Variants in FTO observed in about 807,000 individuals in gnomAD.
FTO encodes FTO alpha-ketoglutarate dependent dioxygenase.
Under a neutral mutation model 63.9 loss-of-function variants are expected in FTO, and 47 were observed. The ratio of observed to expected loss-of-function variants is 0.74; its 90% CI spans 0.58 to 0.94. FTO has a LOEUF of 0.94. Ranked by LOEUF, FTO falls within the 40% of genes least tolerant of loss-of-function variation. The pLI is 0.00. For synonymous variants in FTO, 207 were observed against 224.4 expected (o/e 0.92, Z 0.69); for missense variants, 562 against 618.1 (o/e 0.91, Z 0.96).
At chr16:53,747,309 A>G (rs1053134928) in intron 1 of FTO, among the ~76,000 whole-genome samples, 4 of 152,112 alleles carry the variant, frequency 2.6e-5, no homozygotes, top group African/African-American at 4.8e-5. Context: ...ATTCCCACCA[A>G]CAGATTGCAG....
chr16:54,006,960 G>A (rs2084221078), intron 8 of FTO, among the ~76,000 whole-genome samples: 1 of 152,210 alleles, frequency 6.6e-6, no homozygotes, highest in African/African-American at 2.4e-5. Flanking sequence ...TTTTGGGTGA[G>A]CCAGACTTTG....
rs116718130 is a variant in FTO, at chr16:54,119,791, C to T, written c.*7876C>T. 10 of 152,212 alleles carry T rather than the reference C, an allele frequency of 6.6e-5. No homozygotes were observed. Among genetic ancestry groups the T allele is most frequent in the African/African-American group, 1.7e-4 (7 of 41,518 alleles). 9.4% of individuals were successfully genotyped at this position (152,212 alleles called of 1,614,324 possible). On this transcript the variant is annotated 3_prime_UTR_variant, in exon 9 of 9. Coordinates refer to ENST00000471389, the MANE Select transcript of FTO (RefSeq NM_001080432.3). ...GCTGCAGTGATTGTTTTTAATATAC[C>T]GTACATTGATTTCTCCCTGTGAGCA...
chr16:53,863,278 T>G (rs1850888650), intron 4 of FTO, among the ~76,000 whole-genome samples: 1 of 152,188 alleles, frequency 6.6e-6, no homozygotes, highest in Non-Finnish European at 1.5e-5. Flanking sequence ...CTGTAGTAAT[T>G]TTGCATAGTT....
At chr16:53,815,141 G>A (rs761114659) in intron 2 of FTO, among the ~76,000 whole-genome samples, 1 of 152,044 alleles carries the variant, frequency 6.6e-6, no homozygotes, top group Non-Finnish European at 1.5e-5. Context: ...TAGTCTGTAA[G>A]TTCTGTAAGA....
intron 8 of FTO, among the ~76,000 whole-genome samples, chr16:54,074,917 AGTGTGTGTGTGTGT>A (rs3040381): frequency 1.5e-5 from 2 of 134,172 alleles, no homozygotes; most frequent in Non-Finnish European, 3.1e-5. Flanking sequence ...AGAGAGAGAG[AGTGTGTGTGTGTGT>A]GTGTGTGTGT....
At chr16:53,905,948 C>T (rs2081527739) in intron 7 of FTO, among the ~76,000 whole-genome samples, 1 of 152,174 alleles carries the variant, frequency 6.6e-6, no homozygotes, top group Admixed American at 6.5e-5. Context: ...ATTTGAAAAA[C>T]TCCCTTATTT....
At chr16:53,751,823 C>CA (rs1265687036) in intron 1 of FTO, among the ~76,000 whole-genome samples, 2 of 152,242 alleles carry the variant, frequency 1.3e-5, no homozygotes, top group Middle Eastern at 3.4e-3. Flanking sequence ...AAGATACTAA[C>CA]AAAAATAATG....
At chr16:54,019,820 A>C (rs528111197) in intron 8 of FTO, among the ~76,000 whole-genome samples, 8 of 152,180 alleles carry the variant, frequency 5.3e-5, no homozygotes, top group African/African-American at 1.9e-4. Context: ...GGCTCTGTGC[A>C]TCTCTTTCCA....
chr16:54,059,445 C>T lies in FTO; in HGVS notation c.1365-52317C>T, dbSNP rs182828599. Among the ~76,000 whole-genome samples the T allele has an allele frequency of 2.3e-3, 353 of 152,214 alleles. 9 individuals are homozygous for T. The highest frequency in any genetic ancestry group is 0.022 in the Admixed American group (337 of 15,294). On this transcript the variant is annotated intron_variant, in intron 8 of 8. Transcript: ENST00000471389. Reference sequence around the variant, plus strand: ...CATATATCATCCCAGCTTTAGAACTCGTGAGGGGGTAATCTGCTATGCCTT... The same window carrying T: ...CATATATCATCCCAGCTTTAGAACTTGTGAGGGGGTAATCTGCTATGCCTT...
intron 8 of FTO, among the ~76,000 whole-genome samples, chr16:54,084,095 C>T (rs1406620309): frequency 6.6e-6 from 1 of 152,104 alleles, no homozygotes; most frequent in East Asian, 1.9e-4. Flanking sequence ...GCAAATATTC[C>T]CAAATCTGAA....
chr16:53,824,247 T>G (rs1406912755), intron 2 of FTO, among the ~76,000 whole-genome samples: 1 of 152,224 alleles, frequency 6.6e-6, no homozygotes, highest in African/African-American at 2.4e-5. Flanking sequence ...TGCCTCCTCG[T>G]AGCATGCCAC....
At chr16:54,084,945 C>G (rs1405818195) in intron 8 of FTO, among the ~76,000 whole-genome samples, 1 of 152,192 alleles carries the variant, frequency 6.6e-6, no homozygotes, top group Non-Finnish European at 1.5e-5. Flanking sequence ...GGCAGAAAAT[C>G]CCAGGCCTTG....
In FTO at chr16:54,060,840, A is replaced by T. The variant is rs1197975616; in HGVS notation, c.1365-50922A>T. ...TTGCTGCTATTCATATTTACTTTCT[A>T]TTCATCATTATCTGCCATTTTGCTA... On this transcript the variant is annotated intron_variant, in intron 8 of 8. Coordinates refer to ENST00000471389, the MANE Select transcript of FTO (RefSeq NM_001080432.3). Among the ~76,000 whole-genome samples, 4 of 152,320 alleles carry T rather than the reference A, an allele frequency of 2.6e-5. No homozygotes were observed. The South Asian group carries it at 8.3e-4, about 32-fold the overall frequency.
chr16:53,708,385 A>C (rs1219295464), intron 1 of FTO, among the ~76,000 whole-genome samples: 1 of 151,902 alleles, frequency 6.6e-6, no homozygotes, highest in Non-Finnish European at 1.5e-5. Flanking sequence ...AAAGAATTCC[A>C]GTGTCAGGAT....
At chr16:53,811,181 C>T (rs927294100) in intron 2 of FTO, among the ~76,000 whole-genome samples, 1 of 152,144 alleles carries the variant, frequency 6.6e-6, no homozygotes, top group African/African-American at 2.4e-5. Context: ...ACATGGGTGG[C>T]TCTCCCAAAG....
Position 53,994,479 on chromosome 16 carries a change from G to A in FTO, c.1364+60370G>A, listed in dbSNP as rs1440404783. ...GAGCTCTAGTGATCCTCCCACCTCA[G>A]CCTCCTAAGTAGCTGGGATACAGGA... On this transcript the variant is annotated intron_variant, in intron 8 of 8. Coordinates refer to ENST00000471389, the MANE Select transcript of FTO (RefSeq NM_001080432.3). The A allele has an allele frequency of 2.6e-5, 4 of 152,024 alleles. No individual in the cohort carries two copies. The East Asian group carries it at 7.7e-4, about 29-fold the overall frequency. 9.4% of individuals were successfully genotyped at this position (152,024 alleles called of 1,614,324 possible).
At chr16:53,920,436 G>A (rs2081981722) in intron 7 of FTO, among the ~76,000 whole-genome samples, 1 of 152,200 alleles carries the variant, frequency 6.6e-6, no homozygotes, top group South Asian at 2.1e-4. Flanking sequence ...AGAAGTTTAT[G>A]CATCAGCTTT....
At chr16:53,779,755 C>T (rs2077543596) in intron 1 of FTO, among the ~76,000 whole-genome samples, 1 of 152,078 alleles carries the variant, frequency 6.6e-6, no homozygotes, top group Non-Finnish European at 1.5e-5. Flanking sequence ...TCTCAAACCT[C>T]TTATTAATTA....
intron 1 of FTO, among the ~76,000 whole-genome samples, chr16:53,792,093 AT>A (rs1308199016): frequency 3.3e-5 from 5 of 149,810 alleles, no homozygotes; most frequent in East Asian, 4.0e-4. Flanking sequence ...AAAAAAAAAA[AT>A]AAAAATAAAA....
Sources: gnomAD v4.1 joint callset for allele counts (sites outside exome capture counted in the v4.1 genomes callset) on GRCh38, gnomAD v4.1.1 for gene constraint, MANE v1.5 for transcripts, NCBI Gene and HGNC (gene_info 2026-07-23, HGNC 2026-07-21) for gene names.